Variants in SBNO2 observed in about 807,000 individuals in gnomAD.
SBNO2 encodes strawberry notch homolog 2.
A neutral mutation model predicts 146.3 loss-of-function variants in SBNO2; 89 were observed. That is an observed-to-expected ratio of 0.61 (90% CI 0.51 to 0.73). The LOEUF is 0.73. Ranked by LOEUF, SBNO2 falls within the 30% of genes least tolerant of loss-of-function variation. SBNO2 has a pLI of 0.00. For missense variants in SBNO2, 2,092 were observed against 2,003.7 expected, an observed-to-expected ratio of 1.04 and a Z score of -0.84; for synonymous variants, 1,147 against 892.6, an observed-to-expected ratio of 1.29 and a Z score of -5.08.
chr19:1,128,491 C>G (rs1351527743), intron 4 of SBNO2, among the ~76,000 whole-genome samples: 1 of 151,940 alleles, frequency 6.6e-6, no homozygotes, highest in Non-Finnish European at 1.5e-5. Flanking sequence ...CTCCCAGGTG[C>G]AAGCGATTCT....
chr19:1,109,384 T>G lies in SBNO2; in HGVS notation c.3256A>C (p.Asn1086His). The G allele has an allele frequency of 1.3e-6, 2 of 1,573,392 alleles. No homozygotes were observed. Among genetic ancestry groups the G allele is most frequent in the Non-Finnish European group, 1.7e-6 (2 of 1,160,450 alleles). The change falls in exon 29 of 32, where the codon AAC (asparagine) becomes CAC (histidine). Residue 1086 changes from asparagine to histidine, a missense_variant. By Grantham distance (68) the Asn-to-His change is moderately conservative. Coordinates refer to ENST00000361757, the MANE Select transcript of SBNO2 (RefSeq NM_014963.3). The surrounding 1 kb of genome is among the most constrained non-coding windows in gnomAD (Gnocchi z 4.2). ...NKPSCLLAEQNRGQFFTVYKP... is the reference protein window; with the variant it reads ...NKPSCLLAEQHRGQFFTVYKP... Reference sequence around the variant, plus strand: ...TACACCGTGAAGAACTGGCCGCGGTTCTGCTCCGCCAGCAGGCAGCTGGGC... The same window carrying G: ...TACACCGTGAAGAACTGGCCGCGGTGCTGCTCCGCCAGCAGGCAGCTGGGC...
rs561491773 is a variant in SBNO2 at position 1,125,905 on chromosome 19, G to C, written c.441+1699C>G. Among the ~76,000 whole-genome samples the C allele has an allele frequency of 2.0e-5, 3 of 150,632 alleles. No individual in the cohort carries two copies. The East Asian group carries it at 6.0e-4, about 30-fold the overall frequency. ...GCTACTCGAGAGGCTGAGGCAGGAG[G>C]ATCGCTTTAACCCAGAAGGTCGAGG... is the stretch of plus-strand genomic sequence containing the variant. On this transcript the variant is annotated intron_variant, in intron 5 of 31. Coordinates refer to ENST00000361757, the MANE Select transcript of SBNO2 (RefSeq NM_014963.3).
intron 16 of SBNO2, 73 bp downstream of exon 16, chr19:1,116,756 C>T: frequency 7.4e-7 from 1 of 1,358,370 alleles, no homozygotes. Context: ...CAGGGTCAGG[C>T]CACAGGTGGC....
intron 14 of SBNO2, among the ~76,000 whole-genome samples, chr19:1,118,045 G>A (rs1251019375): frequency 1.3e-5 from 2 of 152,196 alleles, no homozygotes; most frequent in Non-Finnish European, 2.9e-5. Context: ...CTAAAGAAAC[G>A]AGTGAAGAGG....
chr19:1,162,381 AC>A (rs2080356876), intron 1 of SBNO2, among the ~76,000 whole-genome samples: 1 of 149,116 alleles, frequency 6.7e-6, no homozygotes, highest in Non-Finnish European at 1.5e-5. Flanking sequence ...AATGGCGTGA[AC>A]CCGGGAGGCG....
chr19:1,157,339 C>T lies in SBNO2; in HGVS notation c.-126-2937G>A, dbSNP rs552168638. On this transcript the variant is annotated intron_variant, in intron 1 of 31. Coordinates refer to ENST00000361757, the MANE Select transcript of SBNO2 (RefSeq NM_014963.3). The surrounding 1 kb of genome is among the most constrained non-coding windows in gnomAD (Gnocchi z 6.8). The stretch of plus-strand genomic sequence containing the variant: ...CAACGCAGCCTCTGCCACGCAGCCC[C>T]GGAGACGCTCTCCCCACGCGGCCCC... Among the ~76,000 whole-genome samples, 29 of 151,298 alleles carry T rather than the reference C, an allele frequency of 1.9e-4. No homozygotes were observed. The highest frequency in any genetic ancestry group is 4.7e-4 in the African/African-American group (19 of 40,710).
intron 4 of SBNO2, among the ~76,000 whole-genome samples, chr19:1,141,202 T>A (rs1049428838): frequency 6.6e-6 from 1 of 151,874 alleles, no homozygotes; most frequent in African/African-American, 2.4e-5. Flanking sequence ...AGCTCTTAGT[T>A]TTTGCAATTT....
chr19:1,146,741 G>C (rs2080193717), intron 4 of SBNO2, among the ~76,000 whole-genome samples: 1 of 140,848 alleles, frequency 7.1e-6, no homozygotes, highest in Non-Finnish European at 1.5e-5. Flanking sequence ...GGGTCCGCCT[G>C]ATGCCGCAGT....
At chr19:1,169,559 G>T (rs2080458190) in intron 1 of SBNO2, among the ~76,000 whole-genome samples, 1 of 152,238 alleles carries the variant, frequency 6.6e-6, no homozygotes, top group Non-Finnish European at 1.5e-5. Flanking sequence ...TGGTTCAGGG[G>T]CAGAGCTGGG....
chr19:1,154,334 C>T lies in SBNO2; in HGVS notation c.-58G>A. 1.1e-6 allele frequency: 1 copy of T among 928,612 alleles called. No homozygotes were observed. The highest frequency in any genetic ancestry group is 1.4e-6 in the Non-Finnish European group (1 of 709,646). 57.5% of individuals were successfully genotyped at this position (928,612 alleles called of 1,614,324 possible). On this transcript the variant is annotated 5_prime_UTR_variant, in exon 2 of 32. Transcript: ENST00000361757. The stretch of plus-strand genomic sequence containing the variant: ...GCAGCAGGCGGCGGGACTCCAGGAC[C>T]CGGGGCCGCCGGGGCGTCTATCTGG...
rs772536581 is a variant in SBNO2 at position 1,113,614 on chromosome 19, C to T, written c.2168G>A (p.Arg723Gln). 1.2e-5 allele frequency: 19 copies of T among 1,597,440 alleles called. No individual in the cohort carries two copies. Among genetic ancestry groups the T allele is most frequent in the Admixed American group, 5.3e-5 (3 of 56,988 alleles). Residue 723 changes from arginine to glutamine, a missense_variant, in exon 19 of 32, where the codon CGG becomes CAG. Physicochemically the swap from Arg to Gln is conservative, Grantham distance 43 (BLOSUM62 1). Transcript: ENST00000361757. ...RLKQDLLDKV[R>Q]RLGRELPVNT... ...GACTGGCAGTTCCCGGCCCAGCCGC[C>T]GCACTTTGTCCAGCAGATCCTGCTT...
chr19:1,113,076 G>A, intron 19 of SBNO2, 127 bp from the exon 20 acceptor site: 2 of 1,174,948 alleles, frequency 1.7e-6, no homozygotes, highest in Non-Finnish European at 2.3e-6. Context: ...GGGAGGTGGG[G>A]GTGCTGGGAA....
chr19:1,138,853 G>A, intron 4 of SBNO2, among the ~76,000 whole-genome samples: 1 of 150,346 alleles, frequency 6.7e-6, no homozygotes, highest in South Asian at 2.1e-4. Flanking sequence ...ATCACGGACA[G>A]ACACAGTGGG....
At position 1,112,306 on chromosome 19, in the gene SBNO2, GGGCAGAGCTGCTCTCAGGGCCC is replaced by G. The variant is rs2079773074; in HGVS notation, c.2516-27_2516-6del. 1.3e-6 allele frequency: 2 copies of G among 1,580,188 alleles called. No individual in the cohort carries two copies. On this transcript the variant is annotated splice_region_variant and splice_polypyrimidine_tract_variant and intron_variant, in intron 21 of 31. Coordinates refer to ENST00000361757, the MANE Select transcript of SBNO2 (RefSeq NM_014963.3). This position sits in a 1 kb window ranked among gnomAD's most constrained non-coding sequence, Gnocchi z 5.9. ...GGTTGGACCGGTGGGTGCGGCCTGG[GGGCAGAGCTGCTCTCAGGGCCC>G]GGCCAGGCGGGGGCGGGGCCGAGAC...
rs2079827850 is a variant in SBNO2, at chr19:1,116,004, TGGGGGGCAG to T, written c.1885+8_1885+16del. The T allele has an allele frequency of 1.5e-6, 2 of 1,311,180 alleles. No individual in the cohort carries two copies. The highest frequency in any genetic ancestry group is 4.1e-5 in the African/African-American group (2 of 48,452). The allele number at this position is 1,311,180 out of a possible 1,614,324, so 81.2% of individuals were successfully genotyped here. A position where few individuals can be genotyped will look rare whatever the true frequency, so the allele number is the denominator to read the frequency against. ...AGAGGGGCAGGGGTGGGTGGGGCCATGGGGGGCAGGGCTTACGTTTCCGCTTGCTGCCCG... is the reference window on the plus strand; with the variant it reads ...AGAGGGGCAGGGGTGGGTGGGGCCATGGCTTACGTTTCCGCTTGCTGCCCG... On this transcript the variant is annotated splice_region_variant and intron_variant, in intron 17 of 31. Coordinates refer to ENST00000361757, the MANE Select transcript of SBNO2 (RefSeq NM_014963.3).
chr19:1,141,245 T>C (rs1281604086), intron 4 of SBNO2, among the ~76,000 whole-genome samples: 1 of 151,898 alleles, frequency 6.6e-6, no homozygotes, highest in African/African-American at 2.4e-5. Flanking sequence ...GACAGAGTCT[T>C]GCTCTGTCAC....
intron 1 of SBNO2, among the ~76,000 whole-genome samples, chr19:1,164,804 AGGAGGAGGAGCAGGAGGAG>A (rs1404838656): frequency 6.4e-3 from 3 of 468 alleles, no homozygotes; most frequent in Non-Finnish European, 4.8e-3. Context: ...CAGGAGGAGG[AGGAGGAGGAGCAGGAGGAG>A]GGAGGAGGAA....
rs1201196774 is a variant in SBNO2 at position 1,108,241 on chromosome 19, G to T, written c.4080C>A (p.Pro1360=). 3.9e-6 allele frequency: 6 copies of T among 1,525,734 alleles called. No homozygotes were observed. In the East Asian group the frequency reaches 1.3e-4, roughly 33 times the overall value. 94.5% of individuals were successfully genotyped at this position (1,525,734 alleles called of 1,614,324 possible). Reference sequence around the variant, plus strand: ...CGTGTCAGAGAGGAGCCTGGGCGCCGGGGAAGGGTGGGCTGAACTGGATCA... The same window carrying T: ...CGTGTCAGAGAGGAGCCTGGGCGCCTGGGAAGGGTGGGCTGAACTGGATCA... The part of the protein sequence containing the change: ...QSVIQFSPPF[P]GAQAPL The change falls in exon 32 of 32, where the codon CCC becomes CCA. Residue 1360 remains proline, a synonymous_variant. Coordinates refer to ENST00000361757, the MANE Select transcript of SBNO2 (RefSeq NM_014963.3).
Position 1,136,289 on chromosome 19 carries a change from C to A in SBNO2, c.280-8524G>T, listed in dbSNP as rs749589742. Among the ~76,000 whole-genome samples the A allele has an allele frequency of 2.0e-5, 3 of 152,224 alleles. No individual in the cohort carries two copies. The highest frequency in any genetic ancestry group is 4.4e-5 in the Non-Finnish European group (3 of 68,038). On this transcript the variant is annotated intron_variant, in intron 4 of 31. Coordinates refer to ENST00000361757, the MANE Select transcript of SBNO2 (RefSeq NM_014963.3). The surrounding 1 kb of genome is among the most constrained non-coding windows in gnomAD (Gnocchi z 4.2). Reference sequence around the variant, plus strand: ...AGCTGTGTGTGCTGCTTCCTCACAGCAGCCCTGGGAGGCTGGCACGGCTCC... The same window carrying A: ...AGCTGTGTGTGCTGCTTCCTCACAGAAGCCCTGGGAGGCTGGCACGGCTCC...
Sources: gnomAD v4.1 joint callset for allele counts (sites outside exome capture counted in the v4.1 genomes callset) on GRCh38, gnomAD v4.1.1 for gene constraint, Gnocchi (gnomAD v3.1) non-coding constraint, MANE v1.5 for transcripts, NCBI Gene and HGNC (gene_info 2026-07-23, HGNC 2026-07-21) for gene names.